The following INVS variants were observed in gnomAD, a reference collection of about 807,000 sequenced individuals.
INVS encodes inversion of embryo turning homolog.
In INVS, 86 loss-of-function variants were observed where a neutral mutation model predicts 108.8. The ratio of observed to expected loss-of-function variants is 0.79; its 90% CI spans 0.66 to 0.95. The LOEUF (loss-of-function observed/expected upper bound fraction) is 0.95, where lower values mean the gene tolerates loss of function less well. INVS is among the 40% of genes least tolerant of loss of function. The probability of loss-of-function intolerance (pLI) is 0.00; values close to 1 mark genes in which losing one functional copy is unlikely to be tolerated. For synonymous variants in INVS, 455 were observed against 473.5 expected, an observed-to-expected ratio of 0.96 and a Z score of 0.51; for missense variants, 1,169 against 1,297.4, an observed-to-expected ratio of 0.90 and a Z score of 1.52.
chr9:100,202,019 G>A (rs1036235835), intron 3 of INVS, among the ~76,000 whole-genome samples: 4 of 152,078 alleles, frequency 2.6e-5, no homozygotes, highest in African/African-American at 9.7e-5. Context: ...ACAGTCATTA[G>A]GGGGTGCTTT....
chr9:100,233,664 GA>G (rs1831587231), intron 5 of INVS, among the ~76,000 whole-genome samples: 2 of 152,102 alleles, frequency 1.3e-5, no homozygotes, highest in Non-Finnish European at 2.9e-5. Context: ...TTATGTGATG[GA>G]TTACATTTAT....
At chr9:100,210,396 A>G (rs1000881420) in intron 3 of INVS, among the ~76,000 whole-genome samples, 2 of 152,224 alleles carry the variant, frequency 1.3e-5, no homozygotes, top group Non-Finnish European at 2.9e-5. Context: ...AGCACTTTAC[A>G]TAAAATTCAG....
intron 16 of INVS, among the ~76,000 whole-genome samples, chr9:100,299,088 G>C (rs931042016): frequency 6.6e-6 from 1 of 152,152 alleles, no homozygotes; most frequent in Non-Finnish European, 1.5e-5. Flanking sequence ...CAGCATATAA[G>C]TTTTTTAGTT....
intron 3 of INVS, among the ~76,000 whole-genome samples, chr9:100,139,415 A>G (rs1011762673): frequency 1.3e-5 from 2 of 152,138 alleles, no homozygotes; most frequent in Admixed American, 6.6e-5. Context: ...ATCTACTTCT[A>G]TAAGTTTCGG....
intron 10 of INVS, among the ~76,000 whole-genome samples, chr9:100,255,522 C>G (rs1253226527): frequency 6.6e-5 from 10 of 152,080 alleles, no homozygotes; most frequent in Non-Finnish European, 1.3e-4. Flanking sequence ...CCAGTTTTTG[C>G]CCATTCAGTA....
intron 5 of INVS, among the ~76,000 whole-genome samples, chr9:100,234,174 T>C (rs1392316037): frequency 6.6e-6 from 1 of 152,232 alleles, no homozygotes. Context: ...GTTTATAGTA[T>C]TCTCTGATGG....
rs558058559 is a variant in INVS, at chr9:100,297,661, A to C, written c.3017-275A>C. ...TTCAGCTCTGCAAAGAGCCCATCCA[A>C]ATAGACCCAGTAGAGTTCAAGAAGC... On this transcript the variant is annotated intron_variant, in intron 15 of 16. Coordinates refer to ENST00000262457, the MANE Select transcript of INVS (RefSeq NM_014425.5). Among the ~76,000 whole-genome samples the C allele has an allele frequency of 7.2e-5, 11 of 152,350 alleles. No individual in the cohort carries two copies. The South Asian group carries it at 2.3e-3, about 32-fold the overall frequency.
chr9:100,286,875 C>T (rs1327686829), intron 13 of INVS, among the ~76,000 whole-genome samples: 5 of 152,220 alleles, frequency 3.3e-5, no homozygotes, highest in Non-Finnish European at 7.3e-5. Context: ...CCTATACTTC[C>T]CTCTTATAAA....
chr9:100,199,368 A>G (rs1366922235), intron 3 of INVS, among the ~76,000 whole-genome samples: 2 of 152,256 alleles, frequency 1.3e-5, no homozygotes, highest in African/African-American at 4.8e-5. Context: ...GTCCATTTAC[A>G]TTTAATGAAT....
intron 8 of INVS, among the ~76,000 whole-genome samples, chr9:100,251,140 T>C (rs1045641054): frequency 6.6e-6 from 1 of 152,246 alleles, no homozygotes; most frequent in Non-Finnish European, 1.5e-5. Flanking sequence ...AATAACTTTA[T>C]TGATGGGGAA....
At chr9:100,229,898 A>T (rs1831452187) in intron 5 of INVS, 71 bp downstream of exon 5, 1 of 1,412,358 alleles carries the variant, frequency 7.1e-7, no homozygotes, top group African/African-American at 1.4e-5. Flanking sequence ...TAATATATAC[A>T]AAAGTGTATA....
rs780090630 is a variant in INVS at position 100,154,331 on chromosome 9, A to ATTTTTTTTTTTTTTTTTTTTTTT, written c.273+27788_273+27810dup. On this transcript the variant is annotated intron_variant, in intron 3 of 16. Transcript: ENST00000262457. The stretch of plus-strand genomic sequence containing the variant: ...AGGTGTGTGCCACCACAACCGACTA[A>ATTTTTTTTTTTTTTTTTTTTTTT]TTTTTTTTTTTTTTTTTTTTTTTTT... 5.1e-4 allele frequency among the ~76,000 whole-genome samples: 35 copies of ATTTTTTTTTTTTTTTTTTTTTTT among 68,568 alleles called. 3 individuals carry two copies. Among genetic ancestry groups the ATTTTTTTTTTTTTTTTTTTTTTT allele is most frequent in the African/African-American group, 1.1e-3 (14 of 12,990 alleles). The allele number at this position is 68,568 out of a possible 152,430, so 45.0% of individuals were successfully genotyped here.
chr9:100,263,681 A>C (rs1832698619), intron 10 of INVS, among the ~76,000 whole-genome samples: 1 of 152,178 alleles, frequency 6.6e-6, no homozygotes, highest in African/African-American at 2.4e-5. Flanking sequence ...CATGTAACAT[A>C]ACATATTCAC....
chr9:100,211,638 T>C (rs370397051), intron 3 of INVS, among the ~76,000 whole-genome samples: 15 of 152,254 alleles, frequency 9.9e-5, no homozygotes, highest in South Asian at 2.1e-4. Context: ...GGAGAAGGCA[T>C]TGGGGGGAAA....
intron 2 of INVS, among the ~76,000 whole-genome samples, chr9:100,124,089 G>A (rs533929549): frequency 6.6e-5 from 10 of 152,264 alleles, no homozygotes; most frequent in African/African-American, 2.4e-4. Flanking sequence ...GATTATAGGC[G>A]TGAGCCACCC....
chr9:100,161,640 T>C (rs866580839), intron 3 of INVS, among the ~76,000 whole-genome samples: 1 of 152,044 alleles, frequency 6.6e-6, no homozygotes, highest in African/African-American at 2.4e-5. Flanking sequence ...GATGGATGGA[T>C]GGATGGGTGG....
At chr9:100,185,516 AAT>A (rs35603398) in intron 3 of INVS, among the ~76,000 whole-genome samples, 3,254 of 109,820 alleles carry the variant, frequency 0.03, 41 homozygotes, top group East Asian at 0.039. Flanking sequence ...TATGCATAGA[AAT>A]ATATATATAT....
chr9:100,295,284 G>C (rs564274563), intron 14 of INVS, among the ~76,000 whole-genome samples: 3 of 152,204 alleles, frequency 2.0e-5, no homozygotes, highest in Non-Finnish European at 2.9e-5. Flanking sequence ...CAAGAACAGT[G>C]GGCTTATGGT....
intron 2 of INVS, among the ~76,000 whole-genome samples, chr9:100,108,708 T>G (rs1827251043): frequency 6.6e-6 from 1 of 152,218 alleles, no homozygotes; most frequent in Non-Finnish European, 1.5e-5. Flanking sequence ...CCCTCTCTGT[T>G]TCCATGGAGA....
Sources: allele counts gnomAD v4.1 joint callset (sites outside exome capture counted in the v4.1 genomes callset), GRCh38; gene constraint gnomAD v4.1.1; transcripts MANE v1.5; gene names NCBI Gene and HGNC (gene_info 2026-07-23, HGNC 2026-07-21).